The following NDRG3 variants were observed in gnomAD, a reference collection of about 807,000 sequenced individuals.
NDRG3 encodes the protein NDRG family member 3.
A neutral mutation model predicts 57.2 loss-of-function variants in NDRG3; 23 were observed. The ratio of observed to expected loss-of-function variants is 0.40; its 90% confidence interval spans 0.29 to 0.57. NDRG3 has a LOEUF of 0.57. NDRG3 is among the 20% of genes least tolerant of loss of function. The pLI is 0.42. For synonymous variants in NDRG3, 132 were observed against 162.6 expected (o/e 0.81, Z 1.43); for missense variants, 384 against 457.3 (o/e 0.84, Z 1.46).
At chr20:36,675,033 C>T (rs925602765) in intron 8 of NDRG3, among the ~76,000 whole-genome samples, 36 of 149,382 alleles carry the variant, frequency 2.4e-4, no homozygotes, top group Admixed American at 1.4e-4. Flanking sequence ...TAGCTGGAAC[C>T]ACAGACGTGT....
chr20:36,656,391 G>A lies in NDRG3; in HGVS notation c.915C>T (p.Ala305=), dbSNP rs753125681. Residue 305 remains alanine (A), a synonymous_variant, in exon 15 of 16, where the codon GCC becomes GCT. Coordinates refer to ENST00000349004, the MANE Select transcript of NDRG3 (RefSeq NM_032013.4). ...CCATTCCCTGCAAAAAGTACTTGAA[G>A]GCCTCGGTGAGCTTCCCAGGCTGGG... is the stretch of plus-strand genomic sequence containing the variant. The part of the protein sequence containing the change: ...QVVQPGKLTE[A]FKYFLQGMGY... The A allele has an allele frequency of 1.2e-6, 2 of 1,614,024 alleles. No individual in the cohort carries two copies. Among genetic ancestry groups the A allele is most frequent in the Non-Finnish European group, 1.7e-6 (2 of 1,180,040 alleles).
chr20:36,683,999 A>T (rs1369169238), intron 6 of NDRG3, among the ~76,000 whole-genome samples: 1 of 152,034 alleles, frequency 6.6e-6, no homozygotes, highest in Non-Finnish European at 1.5e-5. Context: ...AAACAGCTTT[A>T]TTTTTATTTT....
At chr20:36,675,474 C>T (rs1294139274) in intron 8 of NDRG3, among the ~76,000 whole-genome samples, 1 of 151,906 alleles carries the variant, frequency 6.6e-6, no homozygotes, top group South Asian at 2.1e-4. Flanking sequence ...GCAACCTCCA[C>T]CTCCCGGGTT....
chr20:36,669,481 C>T (rs1375583082), intron 9 of NDRG3, among the ~76,000 whole-genome samples: 16 of 151,928 alleles, frequency 1.1e-4, no homozygotes, highest in East Asian at 1.9e-4. Flanking sequence ...CCACCTGCCT[C>T]GGCCTCCCAA....
At chr20:36,734,542 A>T (rs1985511058) in intron 1 of NDRG3, among the ~76,000 whole-genome samples, 1 of 152,178 alleles carries the variant, frequency 6.6e-6, no homozygotes, top group African/African-American at 2.4e-5. Flanking sequence ...TTACCTATTA[A>T]TTCAATTAAA....
intron 3 of NDRG3, among the ~76,000 whole-genome samples, chr20:36,699,872 C>T (rs1292555888): frequency 2.0e-5 from 3 of 151,862 alleles, no homozygotes; most frequent in Admixed American, 2.0e-4. Flanking sequence ...TGTAAAATCC[C>T]AGCACTTTAG....
At chr20:36,693,113 T>TAA (rs1982443923) in intron 3 of NDRG3, among the ~76,000 whole-genome samples, 1 of 35,054 alleles carries the variant, frequency 2.9e-5, no homozygotes, top group Non-Finnish European at 4.7e-5. Flanking sequence ...AAAATATATA[T>TAA]ATATATATAT....
chr20:36,682,833 C>T (rs989234940), intron 6 of NDRG3, among the ~76,000 whole-genome samples: 16 of 151,878 alleles, frequency 1.1e-4, no homozygotes, highest in African/African-American at 3.6e-4. Flanking sequence ...AGGCGGATCA[C>T]GAGGTCGGCG....
At chr20:36,739,505 C>T (rs1056749054) in intron 1 of NDRG3, among the ~76,000 whole-genome samples, 1 of 148,230 alleles carries the variant, frequency 6.7e-6, no homozygotes, top group African/African-American at 2.5e-5. Context: ...AAAATTCAGC[C>T]TTAAAAATAT....
In NDRG3 at chr20:36,653,671, C is replaced by T. The variant is rs763972530; in HGVS notation, c.977G>A (p.Arg326Gln). The change falls in exon 16 of 16, where the codon CGA becomes CAA. Residue 326 changes from arginine to glutamine, a missense_variant. By Grantham distance (43) the Arg-to-Gln change is conservative. Coordinates refer to ENST00000349004, the MANE Select transcript of NDRG3 (RefSeq NM_032013.4). The surrounding 1 kb of genome is among the most constrained non-coding windows in gnomAD (Gnocchi z 4.2). ...IPSASMTRLA[R>Q]SRTHSTSSSL... ...ACTCGAGGTTGAGTGGGTTCGTGATCGGGCGAGCCGAGTCATGCTGGCAGA... is the reference window on the plus strand; with the variant it reads ...ACTCGAGGTTGAGTGGGTTCGTGATTGGGCGAGCCGAGTCATGCTGGCAGA... 10 of 1,613,754 alleles carry T rather than the reference C, an allele frequency of 6.2e-6. No homozygotes were observed. Among genetic ancestry groups the T allele is most frequent in the East Asian group, 4.5e-5 (2 of 44,880 alleles).
rs142240583 is a variant in NDRG3 at position 36,718,765 on chromosome 20, C to A, written c.57+2914G>T. Among the ~76,000 whole-genome samples the A allele has an allele frequency of 6.5e-3, 985 of 152,234 alleles. 12 individuals are homozygous for A. Among genetic ancestry groups the A allele is most frequent in the African/African-American group, 0.022 (924 of 41,544 alleles). On this transcript the variant is annotated intron_variant, in intron 2 of 15. Transcript: ENST00000349004. ...GCACAATCACAGCTCACTGCAGCCT[C>A]AACCTCCCAGGCTCAAGTGATCCTC...
At chr20:36,714,087 G>A (rs189728750) in intron 2 of NDRG3, among the ~76,000 whole-genome samples, 4 of 151,800 alleles carry the variant, frequency 2.6e-5, no homozygotes, top group Non-Finnish European at 5.9e-5. Flanking sequence ...ATAATAAATC[G>A]GTGTATTAAA....
At chr20:36,685,292 T>A (rs1981685413) in intron 5 of NDRG3, among the ~76,000 whole-genome samples, 1 of 150,588 alleles carries the variant, frequency 6.6e-6, no homozygotes, top group East Asian at 1.9e-4. Flanking sequence ...TTTTTAAAAT[T>A]TTATTATTAT....
intron 8 of NDRG3, among the ~76,000 whole-genome samples, chr20:36,677,573 C>G (rs760278343): frequency 6.6e-6 from 1 of 152,192 alleles, no homozygotes; most frequent in African/African-American, 2.4e-5. Context: ...CTCCACTGAG[C>G]GCTTCAGGGA....
At chr20:36,709,806 G>A (rs983964505) in intron 2 of NDRG3, among the ~76,000 whole-genome samples, 5 of 152,104 alleles carry the variant, frequency 3.3e-5, no homozygotes, top group African/African-American at 9.7e-5. Flanking sequence ...ATATAGCACA[G>A]GGCCTGGTGT....
chr20:36,739,606 G>A lies in NDRG3; in HGVS notation c.-49+6439C>T, dbSNP rs1043882459. 2.6e-5 allele frequency among the ~76,000 whole-genome samples: 4 copies of A among 151,836 alleles called. No individual in the cohort carries two copies. The South Asian group carries it at 6.2e-4, about 24-fold the overall frequency. ...GCGGATCACGAGGTCAGGAGATCCTGACCATCCTGGCTAACACAGTGAAAC... is the reference window on the plus strand; with the variant it reads ...GCGGATCACGAGGTCAGGAGATCCTAACCATCCTGGCTAACACAGTGAAAC... On this transcript the variant is annotated intron_variant, in intron 1 of 15. Transcript: ENST00000349004.
chr20:36,675,785 G>A (rs1045627653), intron 8 of NDRG3, among the ~76,000 whole-genome samples: 2 of 152,014 alleles, frequency 1.3e-5, no homozygotes, highest in Non-Finnish European at 1.5e-5. Flanking sequence ...GCCTCTCAAA[G>A]TGCTGAGATT....
chr20:36,715,000 G>GTATA (rs1484496414), intron 2 of NDRG3, among the ~76,000 whole-genome samples: 21 of 56,544 alleles, frequency 3.7e-4, no homozygotes, highest in South Asian at 6.3e-4. Flanking sequence ...GTGTGTGTGT[G>GTATA]TGTGTGTATA....
At position 36,695,786 on chromosome 20, in the gene NDRG3, T is replaced by G. The variant is rs6101832; in HGVS notation, c.94-7002A>C. 6.5e-3 allele frequency among the ~76,000 whole-genome samples: 986 copies of G among 152,316 alleles called. 11 individuals carry two copies. Among genetic ancestry groups the G allele is most frequent in the African/African-American group, 0.022 (925 of 41,566 alleles). Reference sequence around the variant, plus strand: ...TGGCCTTGTGACCTTGCCCTACCCTTGTGACCTTGCCCTATCCATTTGCCT... The same window carrying G: ...TGGCCTTGTGACCTTGCCCTACCCTGGTGACCTTGCCCTATCCATTTGCCT... On this transcript the variant is annotated intron_variant, in intron 3 of 15. Coordinates refer to ENST00000349004, the MANE Select transcript of NDRG3 (RefSeq NM_032013.4).
Sources: gnomAD v4.1 joint callset for allele counts (sites outside exome capture counted in the v4.1 genomes callset) on GRCh38, gnomAD v4.1.1 for gene constraint, Gnocchi (gnomAD v3.1) non-coding constraint, MANE v1.5 for transcripts, NCBI Gene and HGNC (gene_info 2026-07-23, HGNC 2026-07-21) for gene names.